The following CSMD1 variants were observed in gnomAD, a reference collection of about 807,000 sequenced individuals.
CSMD1 encodes the protein CUB and sushi domain-containing protein 1.
CSMD1 carries 213 observed loss-of-function variants against 417.5 expected under a neutral mutation model. The ratio of observed to expected loss-of-function variants is 0.51; its 90% CI spans 0.46 to 0.57. The LOEUF (loss-of-function observed/expected upper bound fraction) is 0.57, where lower values mean the gene tolerates loss of function less well. CSMD1 is among the 20% of genes least tolerant of loss of function. The pLI is 0.00. For synonymous variants in CSMD1, 2,862 were observed against 1,736.8 expected (o/e 1.65, Z -16.11); for missense variants, 6,923 against 4,529.7 (o/e 1.53, Z -15.17).
chr8:4,655,297 G>T (rs1226520806), intron 1 of CSMD1, among the ~76,000 whole-genome samples: 3 of 152,056 alleles, frequency 2.0e-5, no homozygotes, highest in African/African-American at 7.3e-5. Flanking sequence ...TATCCTGGCT[G>T]CCTGGCTGAT....
At chr8:4,247,376 G>C (rs987539223) in intron 3 of CSMD1, among the ~76,000 whole-genome samples, 6 of 152,148 alleles carry the variant, frequency 3.9e-5, no homozygotes, top group African/African-American at 1.4e-4. Flanking sequence ...GAGTAAGGTA[G>C]AGTCAGTTGT....
intron 2 of CSMD1, among the ~76,000 whole-genome samples, chr8:4,591,339 A>C (rs1321868842): frequency 6.6e-6 from 1 of 152,246 alleles, no homozygotes; most frequent in Non-Finnish European, 1.5e-5. Context: ...TAGGTCAGAC[A>C]AAATTCACAG....
chr8:3,765,426 G>T (rs181727603), intron 5 of CSMD1, among the ~76,000 whole-genome samples: 2 of 152,200 alleles, frequency 1.3e-5, no homozygotes, highest in Admixed American at 6.5e-5. Flanking sequence ...GGCTTCCCTG[G>T]AAGTTACTGT....
chr8:3,233,359 C>G (rs7839571), intron 26 of CSMD1, among the ~76,000 whole-genome samples: 1 of 152,088 alleles, frequency 6.6e-6, no homozygotes, highest in East Asian at 1.9e-4. Context: ...TGCCTGCACA[C>G]GTTAGGACTC....
intron 5 of CSMD1, among the ~76,000 whole-genome samples, chr8:3,882,712 A>C (rs1373151857): frequency 6.6e-6 from 1 of 152,242 alleles, no homozygotes; most frequent in African/African-American, 2.4e-5. Flanking sequence ...AACACATTAC[A>C]AATGTGCACA....
At chr8:3,248,314 C>T (rs1800013975) in intron 26 of CSMD1, among the ~76,000 whole-genome samples, 1 of 58,496 alleles carries the variant, frequency 1.7e-5, no homozygotes, top group African/African-American at 4.5e-5. Flanking sequence ...CACCTGTTGT[C>T]TCAGATAGTG....
chr8:3,058,257 T>C (rs569610682), intron 49 of CSMD1, among the ~76,000 whole-genome samples: 1 of 152,314 alleles, frequency 6.6e-6, no homozygotes, highest in African/African-American at 2.4e-5. Context: ...TGTATTAAAT[T>C]ACCGTGTGCA....
At chr8:4,106,647 G>A (rs562493134) in intron 3 of CSMD1, among the ~76,000 whole-genome samples, 17 of 152,162 alleles carry the variant, frequency 1.1e-4, no homozygotes, top group African/African-American at 3.9e-4. Flanking sequence ...GATGTTGATA[G>A]GTATTCACTA....
chr8:3,938,396 G>C (rs556745345), intron 5 of CSMD1, among the ~76,000 whole-genome samples: 1 of 152,256 alleles, frequency 6.6e-6, no homozygotes, highest in African/African-American at 2.4e-5. Flanking sequence ...TCGGTGGTAG[G>C]CTAGTTTTGA....
At chr8:4,177,257 G>A (rs1380546558) in intron 3 of CSMD1, among the ~76,000 whole-genome samples, 1 of 152,106 alleles carries the variant, frequency 6.6e-6, no homozygotes, top group African/African-American at 2.4e-5. Context: ...AATCAAGCTA[G>A]AACTCAGGAT....
intron 5 of CSMD1, among the ~76,000 whole-genome samples, chr8:3,853,792 C>T (rs1804086824): frequency 6.6e-6 from 1 of 151,218 alleles, no homozygotes; most frequent in Non-Finnish European, 1.5e-5. Flanking sequence ...CTGGGTGCAG[C>T]ACACCAACAT....
intron 1 of CSMD1, among the ~76,000 whole-genome samples, chr8:4,733,905 A>T (rs989202153): frequency 6.6e-6 from 1 of 152,198 alleles, no homozygotes; most frequent in Non-Finnish European, 1.5e-5. Flanking sequence ...GAATTCTGGA[A>T]AAAAACAGAC....
At chr8:4,119,503 T>G (rs1421166686) in intron 3 of CSMD1, among the ~76,000 whole-genome samples, 1 of 152,164 alleles carries the variant, frequency 6.6e-6, no homozygotes, top group African/African-American at 2.4e-5. Context: ...CTCAATGTCC[T>G]GGTATTTGTA....
intron 26 of CSMD1, among the ~76,000 whole-genome samples, chr8:3,236,840 G>C (rs1799182457): frequency 2.0e-5 from 3 of 152,106 alleles, no homozygotes; most frequent in African/African-American, 7.2e-5. Context: ...ATCCCTCAAC[G>C]ACCCTAGAAA....
chr8:4,610,927 T>C (rs1015535865), intron 2 of CSMD1, among the ~76,000 whole-genome samples: 3 of 152,216 alleles, frequency 2.0e-5, no homozygotes, highest in Non-Finnish European at 4.4e-5. Context: ...GACATAACTA[T>C]GTTGGAAATC....
At chr8:3,007,092 C>A (rs1174048179) in intron 52 of CSMD1, among the ~76,000 whole-genome samples, 2 of 147,618 alleles carry the variant, frequency 1.4e-5, no homozygotes, top group Admixed American at 6.6e-5. Context: ...AAACAAACAA[C>A]CCCATCAAAA....
intron 2 of CSMD1, among the ~76,000 whole-genome samples, chr8:4,628,526 AAG>A (rs1235727633): frequency 1.7e-4 from 26 of 151,798 alleles, no homozygotes; most frequent in African/African-American, 5.8e-4. Flanking sequence ...CAGAGAGAGA[AAG>A]AGACATAGGA....
At chr8:4,287,656 GTATTAT>G (rs57908266) in intron 3 of CSMD1, among the ~76,000 whole-genome samples, 1 of 146,120 alleles carries the variant, frequency 6.8e-6, no homozygotes, top group African/African-American at 2.5e-5. Flanking sequence ...GTCATAGGTG[GTATTAT>G]TATTATTATT....
intron 4 of CSMD1, among the ~76,000 whole-genome samples, chr8:4,018,585 C>A (rs560681257): frequency 6.6e-6 from 1 of 152,358 alleles, no homozygotes; most frequent in African/African-American, 2.4e-5. Flanking sequence ...TCCAGGCAAC[C>A]AGCACCCCCT....
Sources: gnomAD v4.1 joint callset for allele counts (sites outside exome capture counted in the v4.1 genomes callset) on GRCh38, gnomAD v4.1.1 for gene constraint, MANE v1.5 for transcripts, NCBI Gene and HGNC (gene_info 2026-07-23, HGNC 2026-07-21) for gene names.